The following TLN2 variants were observed in gnomAD, a reference collection of about 807,000 sequenced individuals.
TLN2 encodes the protein talin 2.
A neutral mutation model predicts 294.7 loss-of-function variants in TLN2; 118 were observed. That is an observed-to-expected ratio of 0.40 (90% CI 0.34 to 0.47). The LOEUF (loss-of-function observed/expected upper bound fraction) is 0.47. TLN2 is among the 20% of genes least tolerant of loss of function. The pLI, the probability that TLN2 is intolerant of heterozygous loss-of-function variation, is 0.84. For missense variants in TLN2, 3,083 were observed against 3,282.2 expected (o/e 0.94, Z 1.48); for synonymous variants, 1,431 against 1,304.5 (o/e 1.10, Z -2.09).
chr15:62,583,555 G>C (rs2045330630), intron 1 of TLN2, among the ~76,000 whole-genome samples: 1 of 151,650 alleles, frequency 6.6e-6, no homozygotes, highest in Non-Finnish European at 1.5e-5. Flanking sequence ...AAAAAATGGG[G>C]GAGAAAACTT....
chr15:62,583,417 T>G (rs969073950), intron 1 of TLN2, among the ~76,000 whole-genome samples: 16 of 152,218 alleles, frequency 1.1e-4, no homozygotes, highest in African/African-American at 3.9e-4. Context: ...GTACTGAATA[T>G]CATAGTTGGT....
intron 21 of TLN2, among the ~76,000 whole-genome samples, chr15:62,710,471 C>G (rs1382439118): frequency 6.6e-6 from 1 of 152,134 alleles, no homozygotes; most frequent in Non-Finnish European, 1.5e-5. Flanking sequence ...ATGCTTCACA[C>G]ATTTGAATTT....
chr15:62,725,592 C>T (rs960406963), intron 27 of TLN2, among the ~76,000 whole-genome samples: 5 of 152,112 alleles, frequency 3.3e-5, no homozygotes, highest in African/African-American at 1.2e-4. Context: ...TTTACCAGTC[C>T]TCCTCATTTG....
At chr15:62,782,451 C>G (rs1203369848) in intron 44 of TLN2, among the ~76,000 whole-genome samples, 2 of 152,232 alleles carry the variant, frequency 1.3e-5, no homozygotes, top group African/African-American at 4.8e-5. Context: ...CATGTTTGAG[C>G]AGCCTCATGG....
chr15:62,766,540 C>A, intron 41 of TLN2, 118 bp downstream of exon 41: 2 of 900,014 alleles, frequency 2.2e-6, no homozygotes, highest in Non-Finnish European at 3.3e-6. Flanking sequence ...TGCCTGAGTC[C>A]AATGCTCGTT....
intron 1 of TLN2, among the ~76,000 whole-genome samples, chr15:62,578,253 A>G (rs2044602509): frequency 6.6e-6 from 1 of 152,188 alleles, no homozygotes; most frequent in African/African-American, 2.4e-5. Context: ...AAGAACCAGA[A>G]CCACCAGGAA....
chr15:62,615,537 A>C (rs2048246700), intron 2 of TLN2, among the ~76,000 whole-genome samples: 1 of 152,232 alleles, frequency 6.6e-6, no homozygotes, highest in Non-Finnish European at 1.5e-5. Flanking sequence ...AAAACACAGC[A>C]AACTAGAAAC....
At chr15:62,521,610 C>T (rs2040462072) in intron 1 of TLN2, among the ~76,000 whole-genome samples, 1 of 152,068 alleles carries the variant, frequency 6.6e-6, no homozygotes, top group African/African-American at 2.4e-5. Context: ...GGTCAAGGTT[C>T]TTGTTTTGTT....
intron 1 of TLN2, among the ~76,000 whole-genome samples, chr15:62,549,481 C>CATCCATGCATCCATCT (rs2042176541): frequency 5.0e-5 from 3 of 60,430 alleles, no homozygotes; most frequent in African/African-American, 2.2e-4. Context: ...GCATGCCATG[C>CATCCATGCATCCATCT]ATCCATCCAT....
chr15:62,770,315 G>T (rs923754709), intron 41 of TLN2, among the ~76,000 whole-genome samples: 4 of 152,250 alleles, frequency 2.6e-5, no homozygotes, highest in South Asian at 2.1e-4. Context: ...CGCCCAGCTG[G>T]TAGGCGAGCT....
At chr15:62,553,504 T>A (rs1194459170) in intron 1 of TLN2, among the ~76,000 whole-genome samples, 5 of 151,312 alleles carry the variant, frequency 3.3e-5, no homozygotes, top group East Asian at 3.9e-4. Flanking sequence ...AAAAAAAAAA[T>A]GGCAAAATTG....
chr15:62,800,752 A>G lies in TLN2; in HGVS notation c.6460A>G (p.Ile2154Val), dbSNP rs767264114. 14 of 1,612,580 alleles carry G rather than the reference A, an allele frequency of 8.7e-6. No homozygotes were observed. The East Asian group carries it at 2.5e-4, about 28-fold the overall frequency. ...TRALEATIECIKQELTVFQSK... is the reference protein window; with the variant it reads ...TRALEATIECVKQELTVFQSK... The stretch of plus-strand genomic sequence containing the variant: ...GGCGCTTGAGGCCACAATTGAATGC[A>G]TAAAGCAGGAGCTTACGGTAAGGAG... The change falls in exon 50 of 59, where the codon ATA becomes GTA. Residue 2154 changes from isoleucine to valine, a missense_variant. By Grantham distance (29) the Ile-to-Val change is conservative (BLOSUM62 3). Coordinates refer to ENST00000636159, the MANE Select transcript of TLN2 (RefSeq NM_015059.3).
At chr15:62,707,299 T>A in intron 20 of TLN2, 46 bp downstream of exon 20, 1 of 1,536,596 alleles carries the variant, frequency 6.5e-7, no homozygotes, top group African/African-American at 1.4e-5. Flanking sequence ...TATCACCTGC[T>A]GTTACCTGCC....
At chr15:62,574,882 A>G (rs1399305022) in intron 1 of TLN2, among the ~76,000 whole-genome samples, 2 of 152,202 alleles carry the variant, frequency 1.3e-5, no homozygotes, top group African/African-American at 2.4e-5. Flanking sequence ...GTCTAAAAAT[A>G]CAGAGTCTCA....
chr15:62,516,616 G>A (rs573230068), intron 1 of TLN2, among the ~76,000 whole-genome samples: 7 of 152,272 alleles, frequency 4.6e-5, no homozygotes, highest in East Asian at 3.9e-4. Context: ...GCCTTGATCC[G>A]CCTCTTGTCT....
chr15:62,465,102 G>C (rs1227923427), intron 1 of TLN2, among the ~76,000 whole-genome samples: 3 of 120,876 alleles, frequency 2.5e-5, no homozygotes, highest in Non-Finnish European at 5.0e-5. Context: ...TGTGGTGAGC[G>C]CGTTTTTTTT....
At chr15:62,717,490 G>A (rs2140906677) in intron 23 of TLN2, 86 bp from the exon 24 acceptor site, 1 of 919,910 alleles carries the variant, frequency 1.1e-6, no homozygotes, top group East Asian at 3.2e-5. Flanking sequence ...CCACAAACCT[G>A]TCCTGACTCT....
intron 54 of TLN2, among the ~76,000 whole-genome samples, chr15:62,826,341 C>T (rs2068197065): frequency 6.6e-6 from 1 of 152,178 alleles, no homozygotes; most frequent in South Asian, 2.1e-4. Flanking sequence ...GGACCTTTTC[C>T]AGCAGACACT....
Position 62,631,750 on chromosome 15 carries a change from CTTTT to C in TLN2, c.-37+13277_-37+13280del, listed in dbSNP as rs557681878. Among the ~76,000 whole-genome samples the C allele has an allele frequency of 5.5e-3, 620 of 111,934 alleles. 3 individuals carry two copies. The highest frequency in any genetic ancestry group is 0.019 in the African/African-American group (595 of 30,988). The allele number at this position is 111,934 out of a possible 152,430, so 73.4% of individuals were successfully genotyped here. A position where few individuals can be genotyped will look rare whatever the true frequency, so the allele number is the denominator to read the frequency against. On this transcript the variant is annotated intron_variant, in intron 3 of 58. Transcript: ENST00000636159. ...CCGCTTTTTCTTCTTTCTCTCTTTT[CTTTT>C]TGTTTTTTGGTATAGACGGGGTCTC...
Sources: allele counts gnomAD v4.1 joint callset (sites outside exome capture counted in the v4.1 genomes callset), GRCh38; gene constraint gnomAD v4.1.1; transcripts MANE v1.5; gene names NCBI Gene and HGNC (gene_info 2026-07-23, HGNC 2026-07-21).